CNTNAP5: variants seen among roughly 807,000 people sequenced by gnomAD.
CNTNAP5 encodes contactin-associated protein-like 5.
A neutral mutation model predicts 150.2 loss-of-function variants in CNTNAP5; 72 were observed. The ratio of observed to expected loss-of-function variants is 0.48; its 90% CI spans 0.40 to 0.58. CNTNAP5 has a LOEUF of 0.58. Ranked by LOEUF, CNTNAP5 falls within the 20% of genes least tolerant of loss-of-function variation. The pLI, the probability that CNTNAP5 is intolerant of heterozygous loss-of-function variation, is 0.00. For missense variants in CNTNAP5, 1,636 were observed against 1,626.2 expected (o/e 1.01, Z -0.10); for synonymous variants, 672 against 619.8 (o/e 1.08, Z -1.25).
At chr2:124,864,209 CA>C (rs1222323375) in intron 19 of CNTNAP5, among the ~76,000 whole-genome samples, 8 of 152,132 alleles carry the variant, frequency 5.3e-5, no homozygotes, top group African/African-American at 1.4e-4. Flanking sequence ...GTCTTTCAAA[CA>C]TTTTTTTAAA....
chr2:124,238,127 C>T (rs1196182944), intron 2 of CNTNAP5, among the ~76,000 whole-genome samples: 1 of 152,046 alleles, frequency 6.6e-6, no homozygotes, highest in Non-Finnish European at 1.5e-5. Flanking sequence ...GTGAGAATTG[C>T]TCTTATGAGG....
intron 11 of CNTNAP5, among the ~76,000 whole-genome samples, chr2:124,606,754 T>G (rs760310290): frequency 2.0e-5 from 3 of 152,074 alleles, no homozygotes; most frequent in Non-Finnish European, 4.4e-5. Flanking sequence ...ACTCTCCCTT[T>G]TAAAAATGAT....
chr2:124,864,889 T>G (rs1004957800), intron 19 of CNTNAP5, among the ~76,000 whole-genome samples: 1 of 152,180 alleles, frequency 6.6e-6, no homozygotes, highest in African/African-American at 2.4e-5. Context: ...ATAACAGGAC[T>G]GAGTTCTCTT....
chr2:124,913,020 A>T (rs1678687067), intron 23 of CNTNAP5, among the ~76,000 whole-genome samples: 1 of 152,100 alleles, frequency 6.6e-6, no homozygotes, highest in Admixed American at 6.6e-5. Context: ...TATAAAAATA[A>T]ATCTTAATCA....
intron 13 of CNTNAP5, among the ~76,000 whole-genome samples, chr2:124,718,343 C>T (rs565610721): frequency 6.2e-4 from 94 of 152,262 alleles, no homozygotes; most frequent in African/African-American, 2.1e-3. Context: ...TTTTCCACCT[C>T]GTAAACAGTG....
At chr2:124,703,937 T>A (rs1301764877) in intron 13 of CNTNAP5, among the ~76,000 whole-genome samples, 1 of 152,184 alleles carries the variant, frequency 6.6e-6, no homozygotes, top group African/African-American at 2.4e-5. Context: ...TAGATTTAGA[T>A]ATGAGTTTTT....
At chr2:124,230,972 C>G (rs190505468) in intron 2 of CNTNAP5, among the ~76,000 whole-genome samples, 2 of 152,266 alleles carry the variant, frequency 1.3e-5, no homozygotes, top group East Asian at 3.9e-4. Flanking sequence ...TGGTAAGCAT[C>G]CAAATCTATG....
intron 19 of CNTNAP5, among the ~76,000 whole-genome samples, chr2:124,845,730 C>G (rs1415270200): frequency 6.6e-6 from 1 of 151,930 alleles, no homozygotes; most frequent in East Asian, 1.9e-4. Context: ...TGTGTATTTC[C>G]AGGAATGTAT....
At chr2:124,383,124 G>A (rs1016531361) in intron 3 of CNTNAP5, among the ~76,000 whole-genome samples, 6 of 152,038 alleles carry the variant, frequency 3.9e-5, no homozygotes, top group Non-Finnish European at 7.4e-5. Flanking sequence ...ACAATGACCC[G>A]TACATTTCCA....
chr2:124,763,942 C>T (rs1308764123), intron 15 of CNTNAP5, 35 bp from the exon 16 acceptor site: 3 of 1,604,900 alleles, frequency 1.9e-6, no homozygotes, highest in East Asian at 4.5e-5. Context: ...CCACTGAAAA[C>T]GATAAACCAT....
At chr2:124,391,338 A>G (rs1479112821) in intron 3 of CNTNAP5, among the ~76,000 whole-genome samples, 1 of 152,244 alleles carries the variant, frequency 6.6e-6, no homozygotes, top group Non-Finnish European at 1.5e-5. Flanking sequence ...TATAAAATTT[A>G]GAAAATTTAA....
intron 13 of CNTNAP5, among the ~76,000 whole-genome samples, chr2:124,656,128 A>G (rs1031389379): frequency 2.0e-5 from 3 of 151,980 alleles, no homozygotes; most frequent in Admixed American, 6.6e-5. Context: ...ATCTGCTTCT[A>G]TCTTCTAATG....
chr2:124,628,187 C>T (rs1281864497), intron 12 of CNTNAP5, among the ~76,000 whole-genome samples: 1 of 152,072 alleles, frequency 6.6e-6, no homozygotes, highest in East Asian at 1.9e-4. Flanking sequence ...AAAGACAAGC[C>T]AATATTCAAA....
At chr2:124,898,384 C>G (rs1448186472) in intron 21 of CNTNAP5, among the ~76,000 whole-genome samples, 1 of 151,376 alleles carries the variant, frequency 6.6e-6, no homozygotes, top group Non-Finnish European at 1.5e-5. Context: ...CATACACACA[C>G]AAACCTGCCT....
At chr2:124,324,550 T>C (rs1689170580) in intron 3 of CNTNAP5, among the ~76,000 whole-genome samples, 1 of 152,050 alleles carries the variant, frequency 6.6e-6, no homozygotes, top group Non-Finnish European at 1.5e-5. Context: ...TCCCTTGAGT[T>C]TGGAGGGACG....
chr2:124,533,256 A>ATGCATGCATGCATG (rs1470519329), intron 10 of CNTNAP5, among the ~76,000 whole-genome samples: 3 of 150,480 alleles, frequency 2.0e-5, no homozygotes, highest in African/African-American at 7.5e-5. Flanking sequence ...GCATGCATGG[A>ATGCATGCATGCATG]GATCCTGCAT....
chr2:124,036,126 T>G (rs544157952), intron 1 of CNTNAP5, among the ~76,000 whole-genome samples: 3 of 150,662 alleles, frequency 2.0e-5, no homozygotes, highest in Admixed American at 6.6e-5. Flanking sequence ...GGGTTTCACC[T>G]TGTTAGCCAG....
At chr2:124,796,638 A>C (rs2104640263) in intron 18 of CNTNAP5, among the ~76,000 whole-genome samples, 1 of 152,382 alleles carries the variant, frequency 6.6e-6, no homozygotes, top group South Asian at 2.1e-4. Flanking sequence ...AGACTGTTAC[A>C]GAATTTTCAC....
chr2:124,687,263 A>C (rs777766435), intron 13 of CNTNAP5, among the ~76,000 whole-genome samples: 81 of 151,936 alleles, frequency 5.3e-4, no homozygotes, highest in Non-Finnish European at 6.6e-4. Context: ...GAGCCTGAGC[A>C]CTGCATTATA....
Sources: allele counts gnomAD v4.1 joint callset (sites outside exome capture counted in the v4.1 genomes callset), GRCh38; gene constraint gnomAD v4.1.1; transcripts MANE v1.5; gene names NCBI Gene and HGNC (gene_info 2026-07-23, HGNC 2026-07-21).